Variants in RIMS1 observed in about 807,000 individuals in gnomAD.
RIMS1 encodes regulating synaptic membrane exocytosis 1.
Under a neutral mutation model 214.1 loss-of-function variants are expected in RIMS1, and 83 were observed. That is an observed-to-expected ratio of 0.39 (90% confidence interval 0.32 to 0.47). The LOEUF (loss-of-function observed/expected upper bound fraction) is 0.47. Ranked by LOEUF, RIMS1 falls within the 20% of genes least tolerant of loss-of-function variation. The pLI, the probability that RIMS1 is intolerant of heterozygous loss-of-function variation, is 0.99. For synonymous variants in RIMS1, 793 were observed against 786.8 expected, an observed-to-expected ratio of 1.01 and a Z score of -0.13; for missense variants, 2,050 against 2,161.8, an observed-to-expected ratio of 0.95 and a Z score of 1.03.
At chr6:72,161,820 C>T (rs9446583) in intron 4 of RIMS1, among the ~76,000 whole-genome samples, 122,969 of 139,504 alleles carry the variant, frequency 0.88, 56,472 homozygotes, top group East Asian at 1. Flanking sequence ...ATGTGGTCAA[C>T]TTTGGAATAA....
intron 1 of RIMS1, among the ~76,000 whole-genome samples, chr6:71,939,869 A>G (rs1398857556): frequency 6.6e-6 from 1 of 152,202 alleles, no homozygotes; most frequent in Non-Finnish European, 1.5e-5. Flanking sequence ...GCCTCCTGAG[A>G]TAAATAACTC....
intron 4 of RIMS1, among the ~76,000 whole-genome samples, chr6:72,153,392 T>G (rs1427526545): frequency 1.3e-5 from 2 of 151,992 alleles, no homozygotes; most frequent in Admixed American, 1.3e-4. Context: ...CTACATCCTA[T>G]TTTGGTCAAA....
intron 1 of RIMS1, among the ~76,000 whole-genome samples, chr6:71,946,693 T>C (rs1787905559): frequency 6.6e-6 from 1 of 151,946 alleles, no homozygotes; most frequent in Admixed American, 6.6e-5. Flanking sequence ...AAGAAAAACT[T>C]AGAGGAAAAG....
chr6:72,241,954 A>T (rs1011508773), intron 9 of RIMS1, among the ~76,000 whole-genome samples: 1 of 152,154 alleles, frequency 6.6e-6, no homozygotes, highest in Non-Finnish European at 1.5e-5. Context: ...TATGGAGGGC[A>T]TGCTGCTAAT....
intron 27 of RIMS1, among the ~76,000 whole-genome samples, chr6:72,308,348 T>C (rs1187485574): frequency 1.3e-5 from 2 of 152,142 alleles, no homozygotes; most frequent in Non-Finnish European, 2.9e-5. Context: ...TTTAAAAGCT[T>C]TTTTTCTTTA....
At chr6:72,169,685 C>T (rs1427950065) in intron 4 of RIMS1, among the ~76,000 whole-genome samples, 2 of 152,158 alleles carry the variant, frequency 1.3e-5, no homozygotes, top group African/African-American at 2.4e-5. Flanking sequence ...GGGCAGATTG[C>T]TTGAGCTCAG....
At chr6:71,967,448 T>C (rs935974933) in intron 1 of RIMS1, among the ~76,000 whole-genome samples, 2 of 152,214 alleles carry the variant, frequency 1.3e-5, no homozygotes, top group African/African-American at 4.8e-5. Context: ...TTGCTAAAGA[T>C]TTTCGAATGC....
At chr6:72,255,457 G>A (rs973666233) in intron 16 of RIMS1, among the ~76,000 whole-genome samples, 3 of 152,130 alleles carry the variant, frequency 2.0e-5, no homozygotes, top group Non-Finnish European at 4.4e-5. Context: ...TCTAGAACAC[G>A]AAATTCTCTG....
chr6:72,363,446 T>G (rs184836349), intron 29 of RIMS1, among the ~76,000 whole-genome samples: 1 of 152,262 alleles, frequency 6.6e-6, no homozygotes, highest in East Asian at 1.9e-4. Context: ...TTCGCAGATT[T>G]AAAGATTTTC....
chr6:72,088,511 G>C (rs1835300638), intron 2 of RIMS1, among the ~76,000 whole-genome samples: 1 of 152,056 alleles, frequency 6.6e-6, no homozygotes, highest in Non-Finnish European at 1.5e-5. Flanking sequence ...ACCTGCCTCA[G>C]CCTCCCAAAG....
chr6:72,064,752 G>A (rs1268262687), intron 2 of RIMS1, among the ~76,000 whole-genome samples: 1 of 152,206 alleles, frequency 6.6e-6, no homozygotes, highest in African/African-American at 2.4e-5. Flanking sequence ...CTCAGGGCAG[G>A]CTGGGCTCTG....
In RIMS1 at chr6:72,182,691, G is replaced by A. The variant is rs1216271488; in HGVS notation, c.1220G>A (p.Gly407Asp). The stretch of plus-strand genomic sequence containing the variant: ...GAGGCGGGCGCGGCGCTGCCGGAGG[G>A]CAAGGCCGGCAAACGCGCGCCGGCG... ...RTEAGAALPE[G>D]KAGKRAPAAA... Residue 407 changes from glycine to aspartate, a missense_variant, in exon 6 of 34, where the codon GGC becomes GAC. This residue lies in a region of RIMS1 where 882 missense variants were observed against 828.9 expected (regional missense o/e 1.06). Coordinates refer to ENST00000521978, the MANE Select transcript of RIMS1 (RefSeq NM_014989.7). 5 of 1,501,306 alleles carry A rather than the reference G, an allele frequency of 3.3e-6. No individual in the cohort carries two copies. Among genetic ancestry groups the A allele is most frequent in the Non-Finnish European group, 4.4e-6 (5 of 1,130,450 alleles). 93.0% of individuals were successfully genotyped at this position (1,501,306 alleles called of 1,614,324 possible).
chr6:72,341,464 T>C (rs1309405608), intron 29 of RIMS1, among the ~76,000 whole-genome samples: 1 of 151,862 alleles, frequency 6.6e-6, no homozygotes, highest in African/African-American at 2.4e-5. Flanking sequence ...CTATGATTTC[T>C]AATAGAACTT....
At position 72,128,484 on chromosome 6, in the gene RIMS1, A is replaced by G. The variant is rs138870912; in HGVS notation, c.471+28498A>G. On this transcript the variant is annotated intron_variant, in intron 4 of 33. Coordinates refer to ENST00000521978, the MANE Select transcript of RIMS1 (RefSeq NM_014989.7). ...GCTTCCCTATACCCAGAACACAGCC[A>G]TCCTCTTAAAAGTGTTACCACATTT... Among the ~76,000 whole-genome samples the G allele has an allele frequency of 3.1e-4, 47 of 152,224 alleles. 1 individual carries two copies. The East Asian group carries it at 5.4e-3, about 18-fold the overall frequency.
chr6:71,902,879 A>G (rs1774120108), intron 1 of RIMS1, among the ~76,000 whole-genome samples: 1 of 152,142 alleles, frequency 6.6e-6, no homozygotes, highest in Non-Finnish European at 1.5e-5. Context: ...ATGACTGCAT[A>G]GTATTCTGTG....
chr6:72,083,748 A>C (rs1438387851), intron 2 of RIMS1, among the ~76,000 whole-genome samples: 1 of 152,144 alleles, frequency 6.6e-6, no homozygotes, highest in Non-Finnish European at 1.5e-5. Context: ...TGATTATCTC[A>C]ATTAACCCTC....
At chr6:72,042,985 C>T (rs982693470) in intron 2 of RIMS1, among the ~76,000 whole-genome samples, 5 of 151,708 alleles carry the variant, frequency 3.3e-5, no homozygotes, top group African/African-American at 1.2e-4. Context: ...CAGAAATCAC[C>T]CAAGAGCTAG....
intron 6 of RIMS1, among the ~76,000 whole-genome samples, chr6:72,187,166 G>A (rs978075592): frequency 6.6e-6 from 1 of 151,978 alleles, no homozygotes; most frequent in African/African-American, 2.4e-5. Context: ...AAGAAAGGAG[G>A]GAAGGAAGAG....
rs578068907 is a variant in RIMS1 at position 72,361,187 on chromosome 6, A to G, written c.4366+27352A>G. Among the ~76,000 whole-genome samples the G allele has an allele frequency of 1.7e-4, 23 of 135,762 alleles. No homozygotes were observed. The South Asian group carries it at 5.1e-3, about 30-fold the overall frequency. The allele number at this position is 135,762 out of a possible 152,430, so 89.1% of individuals were successfully genotyped here. A position where few individuals can be genotyped will look rare whatever the true frequency, so the allele number is the denominator to read the frequency against. ...ACAGTGGCACGACTCAGCTCACTGCAACCACCGTCTCCGGTTCAAGCAATA... is the reference window on the plus strand; with the variant it reads ...ACAGTGGCACGACTCAGCTCACTGCGACCACCGTCTCCGGTTCAAGCAATA... On this transcript the variant is annotated intron_variant, in intron 29 of 33. Transcript: ENST00000521978.
Sources: allele counts gnomAD v4.1 joint callset (sites outside exome capture counted in the v4.1 genomes callset), GRCh38; gene constraint gnomAD v4.1.1; regional missense constraint gnomAD v4.1.1; transcripts MANE v1.5; gene names NCBI Gene and HGNC (gene_info 2026-07-23, HGNC 2026-07-21).